The following CCDC85C variants were observed in gnomAD, a reference collection of about 807,000 sequenced individuals.
CCDC85C encodes the protein coiled-coil domain containing 85C.
In CCDC85C, 18 loss-of-function variants were observed where a neutral mutation model predicts 38.3. That is an observed-to-expected ratio of 0.47 (90% CI 0.33 to 0.70). The LOEUF is 0.70. Ranked by LOEUF, CCDC85C falls within the 30% of genes least tolerant of loss-of-function variation. The pLI is 0.03. For missense variants in CCDC85C, 566 were observed against 621.2 expected (o/e 0.91, Z 0.94); for synonymous variants, 264 against 293.8 (o/e 0.90, Z 1.04).
At chr14:99,525,948 G>T (rs1897376895) in intron 2 of CCDC85C, among the ~76,000 whole-genome samples, 1 of 152,242 alleles carries the variant, frequency 6.6e-6, no homozygotes, top group East Asian at 1.9e-4. Context: ...TTGGCACCGT[G>T]TGGCACAGCA....
chr14:99,578,690 C>T (rs201832083), intron 1 of CCDC85C, among the ~76,000 whole-genome samples: 2 of 152,218 alleles, frequency 1.3e-5, no homozygotes, highest in East Asian at 3.8e-4. Flanking sequence ...GTTGAATGCT[C>T]ACAGCTGCTG....
intron 1 of CCDC85C, among the ~76,000 whole-genome samples, chr14:99,598,434 C>T (rs555313286): frequency 1.1e-3 from 175 of 152,280 alleles, no homozygotes; most frequent in African/African-American, 4.0e-3. Flanking sequence ...GCGACTGCTG[C>T]GGTGGCAAGC....
At position 99,501,485 on chromosome 14, in the gene CCDC85C, A is replaced by G. The variant is rs921047659; in HGVS notation, c.*13761T>C. On this transcript the variant is annotated 3_prime_UTR_variant, in exon 6 of 6. Transcript: ENST00000380243. The stretch of plus-strand genomic sequence containing the variant: ...AGAGACTTTATGGACCATTTCATCT[A>G]AACCCCTCATTTTGTGTCAGAAGAA... 15 of 1,028,104 alleles carry G rather than the reference A, an allele frequency of 1.5e-5. No homozygotes were observed. The highest frequency in any genetic ancestry group is 3.2e-5 in the African/African-American group (2 of 63,062). 63.7% of individuals were successfully genotyped at this position (1,028,104 alleles called of 1,614,324 possible). A position where few individuals can be genotyped will look rare whatever the true frequency, so the allele number is the denominator to read the frequency against.
rs1897194984 is a variant in CCDC85C at position 99,514,817 on chromosome 14, C to G, written c.*429G>C. 6.3e-6 allele frequency: 1 copy of G among 159,292 alleles called. No homozygotes were observed. Among genetic ancestry groups the G allele is most frequent in the African/African-American group, 2.4e-5 (1 of 41,684 alleles). The allele number at this position is 159,292 out of a possible 1,614,324, so 9.9% of individuals were successfully genotyped here. On this transcript the variant is annotated 3_prime_UTR_variant, in exon 6 of 6. Coordinates refer to ENST00000380243, the MANE Select transcript of CCDC85C (RefSeq NM_001144995.2). ...AAGTGGTGCCACCTGCGTCAAGACC[C>G]AGGTAGTGGTGGTCTCTGTCCAGTG...
chr14:99,510,259 C>CCGCCCCCCT lies in CCDC85C; in HGVS notation c.*4986_*4987insAGGGGGGCG. ...GTCCAGATTCCCCCTCCGGCCCACCCGGCCCCTGTGCACCAGCCACCGCCG... is the reference window on the plus strand; with the variant it reads ...GTCCAGATTCCCCCTCCGGCCCACCCCGCCCCCCTGGCCCCTGTGCACCAGCCACCGCCG... On this transcript the variant is annotated 3_prime_UTR_variant, in exon 6 of 6. Transcript: ENST00000380243. 1 of 1,555,736 alleles carries CCGCCCCCCT rather than the reference C, an allele frequency of 6.4e-7. No individual in the cohort carries two copies. Among genetic ancestry groups the CCGCCCCCCT allele is most frequent in the Non-Finnish European group, 8.7e-7 (1 of 1,154,586 alleles).
rs1203084873 is a variant in CCDC85C, at chr14:99,548,123, G to A, written c.794-12035C>T. ...TACGAACGCTGCCAGAGAGTGGCTA[G>A]GTGAGCAGAGTTGGACAACAAGCTG... On this transcript the variant is annotated intron_variant, in intron 1 of 5. Transcript: ENST00000380243. This position sits in a 1 kb window ranked among gnomAD's most constrained non-coding sequence, Gnocchi z 4.9. Among the ~76,000 whole-genome samples the A allele has an allele frequency of 6.6e-6, 1 of 152,252 alleles. No individual in the cohort carries two copies. Among genetic ancestry groups the A allele is most frequent in the South Asian group, 2.1e-4 (1 of 4,822 alleles).
At chr14:99,549,065 G>A (rs971234334) in intron 1 of CCDC85C, among the ~76,000 whole-genome samples, 2 of 152,176 alleles carry the variant, frequency 1.3e-5, no homozygotes, top group Non-Finnish European at 2.9e-5. Flanking sequence ...GACACACAGG[G>A]TGCCTCCGCT....
In CCDC85C at chr14:99,572,848, T is replaced by C. The variant is rs1898383373; in HGVS notation, c.793+30319A>G. On this transcript the variant is annotated intron_variant, in intron 1 of 5. Coordinates refer to ENST00000380243, the MANE Select transcript of CCDC85C (RefSeq NM_001144995.2). The surrounding 1 kb of genome is among the most constrained non-coding windows in gnomAD (Gnocchi z 4.4). ...GAAACGGGGCCTGGTGTGCAACAGG[T>C]GCTCAGTAAACGGCTAAGGAAGGAA... is the stretch of plus-strand genomic sequence containing the variant. The C allele has an allele frequency of 4.4e-6, 2 of 455,886 alleles. No homozygotes were observed. Among genetic ancestry groups the C allele is most frequent in the Non-Finnish European group, 4.4e-6 (1 of 226,768 alleles). 28.2% of individuals were successfully genotyped at this position (455,886 alleles called of 1,614,324 possible).
At position 99,520,218 on chromosome 14, in the gene CCDC85C, T is replaced by C. The variant is rs967310221; in HGVS notation, c.975+1915A>G. On this transcript the variant is annotated intron_variant, in intron 3 of 5. Transcript: ENST00000380243. The surrounding 1 kb of genome is among the most constrained non-coding windows in gnomAD (Gnocchi z 4.1). ...TTGCCTGGGTCTGGAAGGGCCTGTG[T>C]GCCAGGCAGTGTCTGAGCCCGGAGA... Among the ~76,000 whole-genome samples the C allele has an allele frequency of 3.9e-5, 6 of 152,178 alleles. No homozygotes were observed. The highest frequency in any genetic ancestry group is 8.8e-5 in the Non-Finnish European group (6 of 68,008).
chr14:99,516,166 C>T lies in CCDC85C; in HGVS notation c.1170+22G>A, dbSNP rs779672700. The T allele has an allele frequency of 3.9e-6, 6 of 1,542,294 alleles. No homozygotes were observed. In the South Asian group the frequency reaches 7.2e-5, roughly 18 times the overall value. ...CGCACTCCCAGTGCCAAGCCTCTGC[C>T]CCCCACCCCTGGAAGCCTCACGTTG... is the stretch of plus-strand genomic sequence containing the variant. On this transcript the variant is annotated intron_variant, in intron 5 of 5. Coordinates refer to ENST00000380243, the MANE Select transcript of CCDC85C (RefSeq NM_001144995.2). This position sits in a 1 kb window ranked among gnomAD's most constrained non-coding sequence, Gnocchi z 5.5.
chr14:99,568,267 T>TTTTTTTTA (rs1898261157), intron 1 of CCDC85C, among the ~76,000 whole-genome samples: 1 of 146,082 alleles, frequency 6.8e-6, no homozygotes, highest in African/African-American at 2.6e-5. Flanking sequence ...TTTTTTTTTT[T>TTTTTTTTA]TTTGAGACAA....
intron 1 of CCDC85C, among the ~76,000 whole-genome samples, chr14:99,597,085 C>A (rs547730278): frequency 6.6e-6 from 1 of 152,092 alleles, no homozygotes; most frequent in African/African-American, 2.4e-5. Flanking sequence ...ACTCTCCTGG[C>A]CAGAACCTCC....
At chr14:99,517,374 C>T (rs1897243935) in intron 3 of CCDC85C, among the ~76,000 whole-genome samples, 191 bp from the exon 4 acceptor site, 1 of 152,142 alleles carries the variant, frequency 6.6e-6, no homozygotes, top group Admixed American at 6.5e-5. Flanking sequence ...CCAGTCCCGC[C>T]CACCAGGTCT....
chr14:99,538,336 G>A (rs531497980), intron 1 of CCDC85C, among the ~76,000 whole-genome samples: 1 of 152,334 alleles, frequency 6.6e-6, no homozygotes, highest in African/African-American at 2.4e-5. Context: ...GAGAGAAGCT[G>A]GCAGAGACTC....
intron 1 of CCDC85C, chr14:99,573,034 A>G (rs1898388678): frequency 2.9e-6 from 1 of 343,002 alleles, no homozygotes; most frequent in Admixed American, 3.8e-5. Flanking sequence ...AAAGGCAGAG[A>G]ACAGAGCCTG....
chr14:99,548,101 G>A lies in CCDC85C; in HGVS notation c.794-12013C>T, dbSNP rs941543. ...TGAAACCCGACTATATGAGGATTACGAACGCTGCCAGAGAGTGGCTAGGTG... is the reference window on the plus strand; with the variant it reads ...TGAAACCCGACTATATGAGGATTACAAACGCTGCCAGAGAGTGGCTAGGTG... On this transcript the variant is annotated intron_variant, in intron 1 of 5. Transcript: ENST00000380243. This position sits in a 1 kb window ranked among gnomAD's most constrained non-coding sequence, Gnocchi z 4.9. Among the ~76,000 whole-genome samples the A allele has an allele frequency of 0.55, 83,922 of 151,950 alleles. 23,593 individuals are homozygous for A. The highest frequency in any genetic ancestry group is 0.66 in the African/African-American group (27,412 of 41,440).
At chr14:99,538,750 C>A (rs1285356685) in intron 1 of CCDC85C, among the ~76,000 whole-genome samples, 1 of 152,248 alleles carries the variant, frequency 6.6e-6, no homozygotes, top group East Asian at 1.9e-4. Context: ...CCTGTCTGAG[C>A]AGTCCGCCCC....
intron 1 of CCDC85C, among the ~76,000 whole-genome samples, chr14:99,579,212 C>A (rs748473012): frequency 2.7e-4 from 41 of 152,248 alleles, no homozygotes; most frequent in Non-Finnish European, 4.6e-4. Flanking sequence ...TCAGGGAAAC[C>A]CCCTGTCCTG....
intron 2 of CCDC85C, among the ~76,000 whole-genome samples, chr14:99,529,035 C>A (rs938612409): frequency 1.2e-4 from 18 of 152,114 alleles, no homozygotes; most frequent in African/African-American, 4.1e-4. Context: ...AAAAAAAGAA[C>A]AAGGGGGCTG....
Sources: gnomAD v4.1 joint callset for allele counts (sites outside exome capture counted in the v4.1 genomes callset) on GRCh38, gnomAD v4.1.1 for gene constraint, Gnocchi (gnomAD v3.1) non-coding constraint, MANE v1.5 for transcripts, NCBI Gene and HGNC (gene_info 2026-07-23, HGNC 2026-07-21) for gene names.